The following SEMA6D variants were observed in gnomAD, a reference collection of about 807,000 sequenced individuals.
SEMA6D encodes the protein semaphorin-6D.
SEMA6D carries 35 observed loss-of-function variants against 106.6 expected under a neutral mutation model. That is an observed-to-expected ratio of 0.33 (90% confidence interval 0.25 to 0.44). SEMA6D has a LOEUF of 0.44. Among genes scored for constraint, SEMA6D ranks in the 20% least tolerant of loss-of-function variants. The pLI, the probability that SEMA6D is intolerant of heterozygous loss-of-function variation, is 1.00. For synonymous variants in SEMA6D, 499 were observed against 487.7 expected, an observed-to-expected ratio of 1.02 and a Z score of -0.31; for missense variants, 1,185 against 1,345.9, an observed-to-expected ratio of 0.88 and a Z score of 1.87.
intron 1 of SEMA6D, among the ~76,000 whole-genome samples, chr15:47,320,945 A>G (rs1035806697): frequency 2.0e-5 from 3 of 152,166 alleles, no homozygotes; most frequent in Non-Finnish European, 2.9e-5. Context: ...TTACCTGGAT[A>G]GCAGTGATTC....
intron 1 of SEMA6D, among the ~76,000 whole-genome samples, chr15:47,291,696 T>G (rs754263229): frequency 6.6e-6 from 1 of 152,212 alleles, no homozygotes; most frequent in Non-Finnish European, 1.5e-5. Flanking sequence ...ATGCTTTGAT[T>G]TTTCTCTCTG....
Position 47,354,616 on chromosome 15 carries a change from T to A in SEMA6D, c.-238-57777T>A, listed in dbSNP as rs79185687. 2.1e-3 allele frequency among the ~76,000 whole-genome samples: 322 copies of A among 151,870 alleles called. 2 individuals are homozygous for A. The highest frequency in any genetic ancestry group is 7.6e-3 in the African/African-American group (315 of 41,406). On this transcript the variant is annotated intron_variant, in intron 1 of 19. Transcript: ENST00000558014. ...ATGTATATATACACATATGTACATA[T>A]ATACACACATATTTCTGAAAGTTTT...
At chr15:47,314,905 G>A (rs1381164949) in intron 1 of SEMA6D, among the ~76,000 whole-genome samples, 3 of 131,500 alleles carry the variant, frequency 2.3e-5, no homozygotes, top group African/African-American at 5.9e-5. Context: ...TCGCTCTGTG[G>A]CCCAGGCGAG....
intron 3 of SEMA6D, among the ~76,000 whole-genome samples, chr15:47,563,150 A>G (rs1308418509): frequency 2.0e-5 from 3 of 152,204 alleles, no homozygotes; most frequent in Non-Finnish European, 4.4e-5. Flanking sequence ...ATATATAGTC[A>G]ATAGATTAGT....
intron 4 of SEMA6D, among the ~76,000 whole-genome samples, chr15:47,629,591 C>T (rs2077260260): frequency 6.6e-6 from 1 of 151,864 alleles, no homozygotes; most frequent in Non-Finnish European, 1.5e-5. Context: ...ATTTCAAGTC[C>T]TCTCCTCAGG....
intron 3 of SEMA6D, among the ~76,000 whole-genome samples, chr15:47,471,719 A>G (rs1237048550): frequency 1.3e-5 from 2 of 152,170 alleles, no homozygotes; most frequent in East Asian, 3.9e-4. Context: ...TAGTGGGAGG[A>G]GCTAGATTAC....
At position 47,761,015 on chromosome 15, in the gene SEMA6D, A is replaced by C; in HGVS notation, c.259A>C (p.Lys87Gln). The C allele has an allele frequency of 6.2e-7, 1 of 1,613,606 alleles. No homozygotes were observed. The highest frequency in any genetic ancestry group is 2.2e-5 in the East Asian group (1 of 44,792). ...VYTVNLNEMP[K>Q]TEVIPNKKLT... The stretch of plus-strand genomic sequence containing the variant: ...TACAGTAAACTTAAATGAAATGCCC[A>C]AAACAGAAGTAATACCCAACAAGGT... Residue 87 changes from lysine (K) to glutamine (Q), a missense_variant, in exon 4 of 19, where the codon AAA becomes CAA. Physicochemically the swap from Lys to Gln is moderately conservative, Grantham distance 53. Around this residue, in one of 3 missense-constraint regions of SEMA6D, gnomAD observed 144 missense variants for 138.6 expected, o/e 1.04. Coordinates refer to ENST00000536845, the MANE Select transcript of SEMA6D (RefSeq NM_001358351.3).
chr15:47,759,786 A>C lies in SEMA6D; in HGVS notation c.-13A>C. The stretch of plus-strand genomic sequence containing the variant: ...TCTGAGCAGGGGCCACCCTGACTTC[A>C]CCTTGGCCCACCATGAGGGTCTTCC... On this transcript the variant is annotated 5_prime_UTR_variant, in exon 2 of 19. Coordinates refer to ENST00000536845, the MANE Select transcript of SEMA6D (RefSeq NM_001358351.3). 6.2e-7 allele frequency: 1 copy of C among 1,608,748 alleles called. No homozygotes were observed. The highest frequency in any genetic ancestry group is 1.3e-5 in the African/African-American group (1 of 74,898).
chr15:47,715,143 A>G (rs1278291899), upstream of SEMA6D, among the ~76,000 whole-genome samples: 5 of 152,174 alleles, frequency 3.3e-5, no homozygotes, highest in African/African-American at 1.2e-4. Flanking sequence ...CTACATACCA[A>G]TATGGGGATG....
intron 3 of SEMA6D, among the ~76,000 whole-genome samples, chr15:47,500,102 C>T (rs1228728730): frequency 1.3e-5 from 2 of 152,072 alleles, no homozygotes; most frequent in Non-Finnish European, 2.9e-5. Flanking sequence ...AGTTTCATAG[C>T]CAGTCAGCTG....
chr15:47,574,564 A>T (rs1350188630), intron 3 of SEMA6D, among the ~76,000 whole-genome samples: 2 of 152,248 alleles, frequency 1.3e-5, no homozygotes, highest in African/African-American at 4.8e-5. Context: ...TGTATGCACA[A>T]GTAAAATGCT....
chr15:47,324,303 A>G, intron 1 of SEMA6D, among the ~76,000 whole-genome samples: 1 of 152,208 alleles, frequency 6.6e-6, no homozygotes, highest in East Asian at 1.9e-4. Context: ...CTACAAATAT[A>G]TAAAAATTGT....
intron 3 of SEMA6D, among the ~76,000 whole-genome samples, chr15:47,546,887 A>G (rs1473774139): frequency 4.0e-5 from 6 of 151,432 alleles, no homozygotes; most frequent in Non-Finnish European, 8.8e-5. Flanking sequence ...CCAGCTTGCA[A>G]CCTTGGCCCT....
intron 1 of SEMA6D, among the ~76,000 whole-genome samples, chr15:47,352,995 C>CT (rs1161523848): frequency 6.6e-6 from 1 of 152,074 alleles, no homozygotes; most frequent in African/African-American, 2.4e-5. Flanking sequence ...GTTTATTTAA[C>CT]TGTACACAGA....
intron 4 of SEMA6D, among the ~76,000 whole-genome samples, chr15:47,646,139 G>A (rs1024331309): frequency 6.6e-6 from 1 of 152,004 alleles, no homozygotes; most frequent in African/African-American, 2.4e-5. Flanking sequence ...TTGGAGGGTG[G>A]GGCCAATAGT....
intron 1 of SEMA6D, among the ~76,000 whole-genome samples, chr15:47,197,280 T>C (rs963869675): frequency 1.3e-5 from 2 of 152,234 alleles, no homozygotes; most frequent in Non-Finnish European, 1.5e-5. Context: ...TCCAGATGTT[T>C]AGAGAGCCAA....
intron 1 of SEMA6D, chr15:47,397,888 T>C (rs1337405862): frequency 1.3e-5 from 2 of 152,234 alleles, no homozygotes; most frequent in African/African-American, 4.8e-5. Flanking sequence ...TTGCTGTTTT[T>C]TCATTTCCTT....
chr15:47,278,973 A>G (rs576215388), intron 1 of SEMA6D, among the ~76,000 whole-genome samples: 4 of 145,540 alleles, frequency 2.7e-5, no homozygotes, highest in South Asian at 4.5e-4. Context: ...ATTGATCTCT[A>G]TCTCTGTTTT....
Position 47,586,807 on chromosome 15 carries a change from A to T in SEMA6D, c.-86-14058A>T, listed in dbSNP as rs11636198. Among the ~76,000 whole-genome samples the T allele has an allele frequency of 4.0e-5, 6 of 151,308 alleles. No individual in the cohort carries two copies. In the South Asian group the frequency reaches 8.3e-4, roughly 21 times the overall value. On this transcript the variant is annotated intron_variant, in intron 3 of 19. Transcript: ENST00000558014. ...CCACCCGGCAGCCATCAGTCTGTAA[A>T]GAAAATTCTGTTTCCCTACTTATTT... is the stretch of plus-strand genomic sequence containing the variant.
Sources: allele counts gnomAD v4.1 joint callset (sites outside exome capture counted in the v4.1 genomes callset), GRCh38; gene constraint gnomAD v4.1.1; regional missense constraint gnomAD v4.1.1; transcripts MANE v1.5; gene names NCBI Gene and HGNC (gene_info 2026-07-23, HGNC 2026-07-21).